The following SLC16A12 variants were observed in gnomAD, a reference collection of about 807,000 sequenced individuals.
SLC16A12 encodes solute carrier family 16 member 12.
Under a neutral mutation model 42.4 loss-of-function variants are expected in SLC16A12, and 17 were observed. The ratio of observed to expected loss-of-function variants is 0.40; its 90% CI spans 0.27 to 0.60. The LOEUF (loss-of-function observed/expected upper bound fraction) is 0.60, where lower values mean the gene tolerates loss of function less well. Ranked by LOEUF, SLC16A12 falls within the 20% of genes least tolerant of loss-of-function variation. The pLI, the probability that SLC16A12 is intolerant of heterozygous loss-of-function variation, is 0.42. For missense variants in SLC16A12, 544 were observed against 623.0 expected (o/e 0.87, Z 1.35); for synonymous variants, 224 against 229.4 (o/e 0.98, Z 0.21).
chr10:89,511,982 G>A (rs1843168914), intron 2 of SLC16A12, among the ~76,000 whole-genome samples: 1 of 152,142 alleles, frequency 6.6e-6, no homozygotes, highest in African/African-American at 2.4e-5. Flanking sequence ...TATAAAGGAA[G>A]GACATTCTGA....
In SLC16A12 at chr10:89,462,532, G is replaced by C. The variant is rs749116350; in HGVS notation, c.47C>G (p.Thr16Ser). 6.2e-7 allele frequency: 1 copy of C among 1,613,190 alleles called. No homozygotes were observed. Among genetic ancestry groups the C allele is most frequent in the Non-Finnish European group, 8.5e-7 (1 of 1,179,854 alleles). The change falls in exon 3 of 8, where the codon ACT becomes AGT. Residue 16 changes from threonine (T) to serine (S), a missense_variant. Coordinates refer to ENST00000371790, the MANE Select transcript of SLC16A12 (RefSeq NM_213606.4). ...HWTANSSKII[T>S]WLLEQPGKEE... ...TTTTCCAGGTTGCTCCAACAGCCAAGTTATGATCTTGGAAGAGTTTGCTGT... is the reference window on the plus strand; with the variant it reads ...TTTTCCAGGTTGCTCCAACAGCCAACTTATGATCTTGGAAGAGTTTGCTGT...
At chr10:89,458,351 A>T (rs1842234374) in intron 3 of SLC16A12, among the ~76,000 whole-genome samples, 1 of 152,212 alleles carries the variant, frequency 6.6e-6, no homozygotes, top group Non-Finnish European at 1.5e-5. Context: ...TCTTCCACAG[A>T]CAGAAGTATG....
chr10:89,490,527 T>C (rs1365095399), intron 2 of SLC16A12, among the ~76,000 whole-genome samples: 1 of 152,036 alleles, frequency 6.6e-6, no homozygotes, highest in African/African-American at 2.4e-5. Flanking sequence ...CAGGGAAAAA[T>C]CTTTACTTAT....
At chr10:89,475,836 A>C (rs1464691436) in intron 2 of SLC16A12, among the ~76,000 whole-genome samples, 1 of 152,218 alleles carries the variant, frequency 6.6e-6, no homozygotes, top group African/African-American at 2.4e-5. Context: ...AGAAAGGAAG[A>C]AAAAGGTACA....
chr10:89,551,453 A>G (rs1426741799), intron 2 of SLC16A12, among the ~76,000 whole-genome samples: 1 of 152,118 alleles, frequency 6.6e-6, no homozygotes. Flanking sequence ...TAAATAAATA[A>G]ATAAATAAAA....
intron 2 of SLC16A12, among the ~76,000 whole-genome samples, chr10:89,481,678 A>AGT (rs528666796): frequency 0.081 from 11,629 of 143,846 alleles, 574 homozygotes; most frequent in East Asian, 0.22. Context: ...AGAGAGAGAG[A>AGT]GTGTGTGTGT....
At chr10:89,529,670 C>T (rs1843509998) in intron 2 of SLC16A12, among the ~76,000 whole-genome samples, 1 of 152,022 alleles carries the variant, frequency 6.6e-6, no homozygotes, top group South Asian at 2.1e-4. Context: ...GCCTCAGCCC[C>T]CCTAGTAGCT....
At chr10:89,519,934 G>GA (rs1843325163) in intron 2 of SLC16A12, among the ~76,000 whole-genome samples, 1 of 151,966 alleles carries the variant, frequency 6.6e-6, no homozygotes, top group Non-Finnish European at 1.5e-5. Context: ...CCAACATGGT[G>GA]AAACCCTGTC....
chr10:89,454,725 G>T (rs1239567091), intron 3 of SLC16A12, among the ~76,000 whole-genome samples: 1 of 151,740 alleles, frequency 6.6e-6, no homozygotes, highest in African/African-American at 2.4e-5. Flanking sequence ...CTCCAGGAAG[G>T]TTTCCCTGAC....
intron 2 of SLC16A12, among the ~76,000 whole-genome samples, chr10:89,518,120 C>T (rs1292218075): frequency 6.6e-6 from 1 of 152,148 alleles, no homozygotes; most frequent in East Asian, 1.9e-4. Flanking sequence ...TAAATGCAGG[C>T]ACAGGAAAAA....
chr10:89,438,771 G>A lies in SLC16A12; in HGVS notation c.861C>T (p.Ala287=), dbSNP rs545497129. Residue 287 remains alanine (A), a synonymous_variant, in exon 6 of 8, where the codon GCC becomes GCT. Coordinates refer to ENST00000371790, the MANE Select transcript of SLC16A12 (RefSeq NM_213606.4). ...CATAAGCCATAAACAGAACGGAGAC[G>A]GCTAACACAACAAAGTCTGACATGA... ...FLLMSDFVVL[A]VSVLFMAYGC... 1.1e-5 allele frequency: 17 copies of A among 1,614,160 alleles called. No individual in the cohort carries two copies. The highest frequency in any genetic ancestry group is 1.7e-4 in the Middle Eastern group (1 of 6,060).
chr10:89,536,219 G>GA (rs748730080), upstream of SLC16A12, among the ~76,000 whole-genome samples: 2 of 152,158 alleles, frequency 1.3e-5, no homozygotes, highest in Non-Finnish European at 2.9e-5. Flanking sequence ...AAGATCTCGA[G>GA]AAAAAATACA....
chr10:89,499,052 T>C (rs1842960823), intron 2 of SLC16A12, among the ~76,000 whole-genome samples: 1 of 152,102 alleles, frequency 6.6e-6, no homozygotes, highest in African/African-American at 2.4e-5. Context: ...ACTCTGGTAA[T>C]ATGACAAAAC....
intron 2 of SLC16A12, among the ~76,000 whole-genome samples, chr10:89,527,481 T>TC (rs1224659964): frequency 7.0e-6 from 1 of 142,604 alleles, no homozygotes; most frequent in East Asian, 2.4e-4. Context: ...AGACTCCACC[T>TC]CAAAAAAAAA....
intron 2 of SLC16A12, among the ~76,000 whole-genome samples, chr10:89,520,076 A>G (rs1589723540): frequency 6.6e-6 from 1 of 151,424 alleles, no homozygotes; most frequent in South Asian, 2.1e-4. Flanking sequence ...TCGCGCCACT[A>G]CACTCCAGTC....
intron 2 of SLC16A12, among the ~76,000 whole-genome samples, chr10:89,464,935 G>T (rs1842367654): frequency 1.3e-5 from 2 of 152,080 alleles, no homozygotes; most frequent in Admixed American, 1.3e-4. Context: ...TCTATCAAAA[G>T]TATTGGGAGA....
intron 3 of SLC16A12, among the ~76,000 whole-genome samples, chr10:89,460,105 T>A (rs1008547830): frequency 1.3e-5 from 2 of 152,114 alleles, no homozygotes; most frequent in African/African-American, 4.8e-5. Flanking sequence ...TCCACAGAAG[T>A]GCAACTTCAT....
At chr10:89,519,474 A>G (rs1843314233) in intron 2 of SLC16A12, among the ~76,000 whole-genome samples, 1 of 152,166 alleles carries the variant, frequency 6.6e-6, no homozygotes. Context: ...TATAGCAGGG[A>G]TCCCAGCGTG....
chr10:89,502,972 A>G (rs1274759673), intron 2 of SLC16A12, among the ~76,000 whole-genome samples: 1 of 152,234 alleles, frequency 6.6e-6, no homozygotes, highest in African/African-American at 2.4e-5. Flanking sequence ...TCAAAACTGC[A>G]ATCTATGATC....
Sources: allele counts gnomAD v4.1 joint callset (sites outside exome capture counted in the v4.1 genomes callset), GRCh38; gene constraint gnomAD v4.1.1; transcripts MANE v1.5; gene names NCBI Gene and HGNC (gene_info 2026-07-23, HGNC 2026-07-21).